The following PTPN4 variants were observed in gnomAD, a reference collection of about 807,000 sequenced individuals.
PTPN4 encodes the protein protein tyrosine phosphatase non-receptor type 4.
PTPN4 carries 49 observed loss-of-function variants against 135.5 expected under a neutral mutation model. The ratio of observed to expected loss-of-function variants is 0.36; its 90% confidence interval spans 0.29 to 0.46. PTPN4 has a LOEUF of 0.46. Among genes scored for constraint, PTPN4 ranks in the 20% least tolerant of loss-of-function variants. The pLI is 1.00. For missense variants in PTPN4, 860 were observed against 1,101.0 expected (o/e 0.78, Z 3.10); for synonymous variants, 333 against 369.9 (o/e 0.90, Z 1.14).
intron 1 of PTPN4, among the ~76,000 whole-genome samples, chr2:119,776,568 G>T (rs1690841278): frequency 6.6e-6 from 1 of 152,070 alleles, no homozygotes. Flanking sequence ...TGCCTCTCCT[G>T]CTTCCCCTTC....
chr2:119,971,298 C>A (rs1679530440), intron 26 of PTPN4, among the ~76,000 whole-genome samples: 1 of 152,260 alleles, frequency 6.6e-6, no homozygotes, highest in Non-Finnish European at 1.5e-5. Flanking sequence ...AGAACTCTAT[C>A]ACGAGAACAG....
chr2:119,782,141 G>A (rs2104928882), intron 1 of PTPN4, among the ~76,000 whole-genome samples: 1 of 152,252 alleles, frequency 6.6e-6, no homozygotes, highest in African/African-American at 2.4e-5. Context: ...TCTTGGCTGG[G>A]CGCGGTGGCT....
At chr2:119,945,466 G>A (rs1198040039) in intron 16 of PTPN4, among the ~76,000 whole-genome samples, 1 of 152,024 alleles carries the variant, frequency 6.6e-6, no homozygotes, top group Non-Finnish European at 1.5e-5. Context: ...AAGCTGTGGG[G>A]TTAAGGGAAG....
At chr2:119,851,173 A>G (rs1345847218) in intron 2 of PTPN4, among the ~76,000 whole-genome samples, 1 of 151,838 alleles carries the variant, frequency 6.6e-6, no homozygotes, top group East Asian at 1.9e-4. Context: ...GGCCCAGGAG[A>G]TTTGTTTTTG....
At chr2:119,956,723 T>A in intron 20 of PTPN4, 121 bp from the exon 21 acceptor site, 1 of 1,508,562 alleles carries the variant, frequency 6.6e-7, no homozygotes, top group South Asian at 1.3e-5. Context: ...TATCATTGTA[T>A]AGATGACCTA....
chr2:119,818,790 T>C (rs1677025283), intron 2 of PTPN4, among the ~76,000 whole-genome samples: 1 of 152,218 alleles, frequency 6.6e-6, no homozygotes, highest in Admixed American at 6.5e-5. Context: ...TTTAAGCTTT[T>C]TAAGATAGGT....
chr2:119,773,735 C>CA lies in PTPN4; in HGVS notation c.-18+13368dup, dbSNP rs59142325. On this transcript the variant is annotated intron_variant, in intron 1 of 26. Coordinates refer to ENST00000263708, the MANE Select transcript of PTPN4 (RefSeq NM_002830.4). The stretch of plus-strand genomic sequence containing the variant: ...TGGGTGACAGAGCAAGACTCTGTCT[C>CA]AAAAAAAAAAAAAAAAACTAAAAAG... 5.9e-3 allele frequency among the ~76,000 whole-genome samples: 635 copies of CA among 108,236 alleles called. 10 individuals are homozygous for CA. The highest frequency in any genetic ancestry group is 6.4e-3 in the Non-Finnish European group (338 of 52,632). The allele number at this position is 108,236 out of a possible 152,430, so 71.0% of individuals were successfully genotyped here.
chr2:119,887,267 T>C (rs1678173098), intron 9 of PTPN4, among the ~76,000 whole-genome samples: 1 of 152,134 alleles, frequency 6.6e-6, no homozygotes, highest in South Asian at 2.1e-4. Context: ...GGCAGGAGGA[T>C]TGTGTAAGCC....
chr2:119,766,358 G>A (rs1054546767), intron 1 of PTPN4, among the ~76,000 whole-genome samples: 4 of 152,082 alleles, frequency 2.6e-5, no homozygotes, highest in Non-Finnish European at 4.4e-5. Flanking sequence ...GTAAACTTAA[G>A]AATTCTTAAG....
At chr2:119,771,613 A>G (rs1690735947) in intron 1 of PTPN4, 1 of 152,044 alleles carries the variant, frequency 6.6e-6, no homozygotes, top group African/African-American at 2.4e-5. Context: ...ATCACTGCTT[A>G]TTGTCTGGTA....
intron 25 of PTPN4, among the ~76,000 whole-genome samples, chr2:119,967,244 G>A (rs534920793): frequency 1.3e-5 from 2 of 152,134 alleles, no homozygotes; most frequent in African/African-American, 4.8e-5. Context: ...TCAGGAGTTC[G>A]AGACCAGCCT....
chr2:119,957,794 C>A (rs1055879365), intron 22 of PTPN4, among the ~76,000 whole-genome samples: 1 of 152,152 alleles, frequency 6.6e-6, no homozygotes, highest in Admixed American at 6.5e-5. Context: ...TCTTTTGAAG[C>A]AGATCTTTAT....
intron 2 of PTPN4, among the ~76,000 whole-genome samples, chr2:119,828,811 C>T (rs1260138780): frequency 6.6e-6 from 1 of 152,178 alleles, no homozygotes; most frequent in African/African-American, 2.4e-5. Context: ...AACATCTTTT[C>T]ACTTTCTTTT....
intron 25 of PTPN4, 90 bp from the exon 26 acceptor site, chr2:119,967,747 C>T: frequency 2.0e-6 from 2 of 1,015,566 alleles, no homozygotes; most frequent in Non-Finnish European, 2.7e-6. Flanking sequence ...TATTGTTCTT[C>T]TGTGTTATAA....
chr2:119,931,491 G>A (rs1678907311), intron 13 of PTPN4, among the ~76,000 whole-genome samples: 4 of 121,468 alleles, frequency 3.3e-5, no homozygotes, highest in South Asian at 5.3e-4. Flanking sequence ...CACCCAGGTT[G>A]GAATGCAGTG....
At chr2:119,906,936 T>G (rs1479598013) in intron 10 of PTPN4, among the ~76,000 whole-genome samples, 1 of 152,220 alleles carries the variant, frequency 6.6e-6, no homozygotes, top group Non-Finnish European at 1.5e-5. Context: ...TGAAAGTCTC[T>G]TAGAACTATT....
At chr2:119,798,951 A>G (rs1691312698) in intron 1 of PTPN4, among the ~76,000 whole-genome samples, 1 of 152,154 alleles carries the variant, frequency 6.6e-6, no homozygotes, top group Non-Finnish European at 1.5e-5. Context: ...TATACTGTTG[A>G]TATATCGTTA....
chr2:119,772,869 G>T (rs991233112), intron 1 of PTPN4, among the ~76,000 whole-genome samples: 1 of 152,132 alleles, frequency 6.6e-6, no homozygotes, highest in Non-Finnish European at 1.5e-5. Flanking sequence ...CAATATGGTT[G>T]AATACAGGGT....
At position 119,967,920 on chromosome 2, in the gene PTPN4, T is replaced by C. The variant is rs1266522960; in HGVS notation, c.2642T>C (p.Leu881Pro). The C allele has an allele frequency of 1.2e-6, 2 of 1,610,824 alleles. No homozygotes were observed. The highest frequency in any genetic ancestry group is 8.5e-7 in the Non-Finnish European group (1 of 1,177,714). The change falls in exon 26 of 27, where the codon CTA becomes CCA. Residue 881 changes from leucine to proline, a missense_variant. Leu to Pro is a moderately conservative substitution (Grantham distance 98). This residue lies in a region of PTPN4 where 176 missense variants were observed against 294.1 expected (regional missense o/e 0.60). Coordinates refer to ENST00000263708, the MANE Select transcript of PTPN4 (RefSeq NM_002830.4). ...GAATGCAATCAGCCAGTTTATCCACTAGATATTGTAAGAACAATGAGAGAT... is the reference window on the plus strand; with the variant it reads ...GAATGCAATCAGCCAGTTTATCCACCAGATATTGTAAGAACAATGAGAGAT... The part of the protein sequence containing the change: ...LIECNQPVYP[L>P]DIVRTMRDQR...
Sources: allele counts gnomAD v4.1 joint callset (sites outside exome capture counted in the v4.1 genomes callset), GRCh38; gene constraint gnomAD v4.1.1; regional missense constraint gnomAD v4.1.1; transcripts MANE v1.5; gene names NCBI Gene and HGNC (gene_info 2026-07-23, HGNC 2026-07-21).